The following DUSP16 variants were observed in gnomAD, a reference collection of about 807,000 sequenced individuals.
DUSP16 encodes the protein dual specificity phosphatase 16, also known as dual specificity protein phosphatase 16.
A neutral mutation model predicts 58.3 loss-of-function variants in DUSP16; 21 were observed. The observed-to-expected ratio is 0.36, with a 90% confidence interval of 0.26 to 0.52. The LOEUF is 0.52. DUSP16 is among the 20% of genes least tolerant of loss of function. DUSP16 has a pLI of 0.94. For missense variants in DUSP16, 726 were observed against 819.0 expected, an observed-to-expected ratio of 0.89 and a Z score of 1.39; for synonymous variants, 320 against 323.8, an observed-to-expected ratio of 0.99 and a Z score of 0.12.
rs1943374746 is a variant in DUSP16 at position 12,474,365 on chromosome 12, TAC to T, written c.*2466_*2467del. 2.0e-5 allele frequency: 3 copies of T among 152,222 alleles called. No individual in the cohort carries two copies. The highest frequency in any genetic ancestry group is 4.8e-5 in the African/African-American group (2 of 41,588). 9.4% of individuals were successfully genotyped at this position (152,222 alleles called of 1,614,324 possible). ...GAACACTATATTCATATTAAACATT[TAC>T]AGTCTTTCCATCTAACTTTACACAT... On this transcript the variant is annotated 3_prime_UTR_variant, in exon 7 of 7. Transcript: ENST00000298573.
intron 3 of DUSP16, among the ~76,000 whole-genome samples, chr12:12,502,952 C>G (rs941967213): frequency 2.6e-5 from 4 of 152,150 alleles, no homozygotes; most frequent in Admixed American, 2.0e-4. Context: ...ACGGTACATA[C>G]AGCATACACA....
At chr12:12,561,068 C>G (rs1179860680) in intron 1 of DUSP16, 1 of 151,698 alleles carries the variant, frequency 6.6e-6, no homozygotes, top group Non-Finnish European at 1.5e-5. Flanking sequence ...TACTTATAAT[C>G]TTTTAAAACA....
chr12:12,489,053 C>T (rs1037908198), intron 4 of DUSP16, among the ~76,000 whole-genome samples: 1 of 152,168 alleles, frequency 6.6e-6, no homozygotes, highest in Non-Finnish European at 1.5e-5. Flanking sequence ...GCACTCCAGC[C>T]TGGGCAACAA....
chr12:12,522,103 AAAC>A (rs1393068526), intron 1 of DUSP16, among the ~76,000 whole-genome samples: 1 of 152,196 alleles, frequency 6.6e-6, no homozygotes, highest in Admixed American at 6.6e-5. Flanking sequence ...GGAAGGACAA[AAAC>A]AACTGATATG....
At chr12:12,481,604 T>C (rs961442462) in intron 5 of DUSP16, among the ~76,000 whole-genome samples, 7 of 152,234 alleles carry the variant, frequency 4.6e-5, no homozygotes, top group Non-Finnish European at 1.0e-4. Flanking sequence ...ATATATAACA[T>C]AATTATTCAT....
At chr12:12,525,893 TAG>T (rs767078453) in intron 1 of DUSP16, among the ~76,000 whole-genome samples, 9 of 151,818 alleles carry the variant, frequency 5.9e-5, no homozygotes, top group Admixed American at 5.2e-4. Flanking sequence ...ACATACTAGT[TAG>T]AGAGTACCCT....
At chr12:12,532,915 T>G (rs896530344) in intron 1 of DUSP16, among the ~76,000 whole-genome samples, 1 of 144,946 alleles carries the variant, frequency 6.9e-6, no homozygotes, top group African/African-American at 2.6e-5. Flanking sequence ...TCCATTGCAC[T>G]CCAGCCTGGG....
intron 1 of DUSP16, among the ~76,000 whole-genome samples, chr12:12,553,765 T>C (rs924320437): frequency 2.0e-5 from 3 of 152,140 alleles, no homozygotes; most frequent in African/African-American, 7.2e-5. Flanking sequence ...GCTGGTCTAC[T>C]CCTGACCTCA....
At chr12:12,482,111 T>C (rs905736043) in intron 5 of DUSP16, among the ~76,000 whole-genome samples, 93 of 152,214 alleles carry the variant, frequency 6.1e-4, no homozygotes, top group African/African-American at 2.2e-3. Context: ...TTTTTTAATG[T>C]TGACAATACT....
intron 3 of DUSP16, among the ~76,000 whole-genome samples, chr12:12,502,316 G>C (rs1475637495): frequency 1.3e-5 from 2 of 152,152 alleles, no homozygotes; most frequent in East Asian, 3.8e-4. Flanking sequence ...AAGTTAGAAT[G>C]GTAGGCAGTT....
At chr12:12,535,872 T>C (rs1165729317) in intron 1 of DUSP16, among the ~76,000 whole-genome samples, 1 of 152,202 alleles carries the variant, frequency 6.6e-6, no homozygotes, top group African/African-American at 2.4e-5. Flanking sequence ...GACAGAGGGA[T>C]AACAAACTGT....
chr12:12,499,467 A>C (rs141396634), intron 4 of DUSP16, among the ~76,000 whole-genome samples: 31 of 152,334 alleles, frequency 2.0e-4, no homozygotes, highest in African/African-American at 7.5e-4. Context: ...AAAATTTTGA[A>C]AAGGCAGGAG....
intron 1 of DUSP16, among the ~76,000 whole-genome samples, chr12:12,537,051 C>G (rs1192634812): frequency 1.3e-5 from 2 of 152,102 alleles, no homozygotes; most frequent in African/African-American, 4.8e-5. Flanking sequence ...CTCAAAAAAA[C>G]AGGCTGAAAT....
intron 1 of DUSP16, among the ~76,000 whole-genome samples, chr12:12,543,481 T>C (rs1440100176): frequency 5.9e-5 from 9 of 152,206 alleles, no homozygotes; most frequent in Admixed American, 4.6e-4. Flanking sequence ...GTAAATAGAA[T>C]ACACATAATC....
chr12:12,529,761 CAT>C (rs1944359361), intron 1 of DUSP16, among the ~76,000 whole-genome samples: 1 of 152,182 alleles, frequency 6.6e-6, no homozygotes, highest in South Asian at 2.1e-4. Flanking sequence ...TTTCAGCTCC[CAT>C]ATATGAGTGA....
intron 3 of DUSP16, among the ~76,000 whole-genome samples, chr12:12,514,351 T>C (rs1302711344): frequency 6.6e-6 from 1 of 152,204 alleles, no homozygotes; most frequent in African/African-American, 2.4e-5. Context: ...TGGCACTGAG[T>C]TGATCAGAAG....
rs146599847 is a variant in DUSP16, at chr12:12,503,289, G to A, written c.368-2607C>T. 5.1e-3 allele frequency among the ~76,000 whole-genome samples: 751 copies of A among 147,164 alleles called. 8 individuals carry two copies. Among genetic ancestry groups the A allele is most frequent in the African/African-American group, 0.017 (684 of 39,754 alleles). On this transcript the variant is annotated intron_variant, in intron 3 of 6. Transcript: ENST00000298573. ...CGCCCAGGCTAGAGTGCAGTGGCGC[G>A]ATCTTGGCTCACTGCAACCTCCGCT...
At chr12:12,495,236 CAAAAAAAAAAAA>C (rs10555943) in intron 4 of DUSP16, among the ~76,000 whole-genome samples, 1 of 98,944 alleles carries the variant, frequency 1.0e-5, no homozygotes, top group South Asian at 3.2e-4. Context: ...AAAGCCATTA[CAAAAAAAAAAAA>C]AAAAAAAAGC....
intron 5 of DUSP16, among the ~76,000 whole-genome samples, chr12:12,482,171 C>A (rs1290231025): frequency 6.6e-6 from 1 of 152,036 alleles, no homozygotes; most frequent in East Asian, 1.9e-4. Flanking sequence ...ATTATAAGGA[C>A]CTAGAAGGAT....
Sources: gnomAD v4.1 joint callset for allele counts (sites outside exome capture counted in the v4.1 genomes callset) on GRCh38, gnomAD v4.1.1 for gene constraint, MANE v1.5 for transcripts, NCBI Gene and HGNC (gene_info 2026-07-23, HGNC 2026-07-21) for gene names.